Variants in DAZAP2 observed in about 807,000 individuals in gnomAD.
DAZAP2 encodes DAZ-associated protein 2.
In DAZAP2, 3 loss-of-function variants were observed where a neutral mutation model predicts 16.2. The observed-to-expected ratio is 0.19, with a 90% confidence interval of 0.08 to 0.48. The LOEUF is 0.48. Ranked by LOEUF, DAZAP2 falls within the 20% of genes least tolerant of loss-of-function variation. DAZAP2 has a pLI of 0.98. For synonymous variants in DAZAP2, 69 were observed against 77.6 expected (o/e 0.89, Z 0.58); for missense variants, 172 against 215.9 (o/e 0.80, Z 1.27).
downstream of DAZAP2, chr12:51,246,611 T>TGTGC: frequency 2.0e-6 from 1 of 499,714 alleles, no homozygotes; most frequent in Non-Finnish European, 3.4e-6. Flanking sequence ...TGGCTGTGTG[T>TGTGC]GTGTGTGTGT....
At chr12:51,241,440 T>C (rs1180062055) in intron 3 of DAZAP2, among the ~76,000 whole-genome samples, 1 of 152,136 alleles carries the variant, frequency 6.6e-6, no homozygotes, top group Non-Finnish European at 1.5e-5. Flanking sequence ...TTACTTAATA[T>C]TTGCCATCAG....
At position 51,242,778 on chromosome 12, in the gene DAZAP2, C is replaced by T; in HGVS notation, c.*320C>T. 7.1e-7 allele frequency: 1 copy of T among 1,409,020 alleles called. No homozygotes were observed. Among genetic ancestry groups the T allele is most frequent in the East Asian group, 2.6e-5 (1 of 37,942 alleles). 87.3% of individuals were successfully genotyped at this position (1,409,020 alleles called of 1,614,324 possible). A position where few individuals can be genotyped will look rare whatever the true frequency, so the allele number is the denominator to read the frequency against. ...CTGGTCTTTGCTTTTAGTAATAAAA[C>T]ATCAAATTAGGTTTGGAGGGAACTT... On this transcript the variant is annotated 3_prime_UTR_variant, in exon 4 of 4. Transcript: ENST00000412716.
downstream of DAZAP2, chr12:51,245,780 G>A: frequency 1.4e-6 from 1 of 705,844 alleles, no homozygotes. Context: ...CTGGTCCCTG[G>A]AGTCAGTGAT....
chr12:51,246,630 G>T (rs1944775551), downstream of DAZAP2: 1 of 609,284 alleles, frequency 1.6e-6, no homozygotes, highest in Non-Finnish European at 2.8e-6. Context: ...GTGTGTGTGT[G>T]TGTGTGTGTA....
rs895869830 is a variant in DAZAP2 at position 51,243,661 on chromosome 12, T to G, written c.*1203T>G. ...TGTTTGACTGTACCATTGACTGTTA[T>G]GGAAGTTCAGCGTTGTATGTCTCTC... On this transcript the variant is annotated 3_prime_UTR_variant, in exon 4 of 4. Transcript: ENST00000412716. 3 of 985,742 alleles carry G rather than the reference T, an allele frequency of 3.0e-6. No individual in the cohort carries two copies. The highest frequency in any genetic ancestry group is 1.7e-5 in the African/African-American group (1 of 57,246). The allele number at this position is 985,742 out of a possible 1,614,324, so 61.1% of individuals were successfully genotyped here. A position where few individuals can be genotyped will look rare whatever the true frequency, so the allele number is the denominator to read the frequency against.
intron 1 of DAZAP2, chr12:51,239,137 C>T (rs1211077125): frequency 4.8e-6 from 3 of 623,968 alleles, no homozygotes; most frequent in Non-Finnish European, 5.2e-6. Context: ...CTCTGTGGCG[C>T]AGTTTGGAGC....
chr12:51,242,607 T>C lies in DAZAP2; in HGVS notation c.*149T>C, dbSNP rs755057505. 12 of 1,584,660 alleles carry C rather than the reference T, an allele frequency of 7.6e-6. No homozygotes were observed. In the East Asian group the frequency reaches 2.1e-4, roughly 27 times the overall value. On this transcript the variant is annotated 3_prime_UTR_variant, in exon 4 of 4. Transcript: ENST00000412716. ...CTGGTGCCCAAACTTTCAGGCACTT[T>C]TCAAATTTAATAAGGAACCATGTAA...
In DAZAP2 at chr12:51,243,827, C is replaced by A; in HGVS notation, c.*1369C>A. 1.0e-6 allele frequency: 1 copy of A among 984,610 alleles called. No homozygotes were observed. The highest frequency in any genetic ancestry group is 1.2e-6 in the Non-Finnish European group (1 of 829,110). 61.0% of individuals were successfully genotyped at this position (984,610 alleles called of 1,614,324 possible). On this transcript the variant is annotated 3_prime_UTR_variant, in exon 4 of 4. Transcript: ENST00000412716. ...CTTTACTTAGCTTGTTTTTAGATTT[C>A]TTCTATATATATTTTATTTATATCC...
rs190893016 is a variant in DAZAP2 at position 51,242,993 on chromosome 12, A to C, written c.*535A>C. The stretch of plus-strand genomic sequence containing the variant: ...TCCTCCCGCCAGTCTCCATTGAATC[A>C]ATGGTGCAGGACAGAAAGCCAGTCA... On this transcript the variant is annotated 3_prime_UTR_variant, in exon 4 of 4. Transcript: ENST00000412716. 64 of 1,052,652 alleles carry C rather than the reference A, an allele frequency of 6.1e-5. No individual in the cohort carries two copies. The highest frequency in any genetic ancestry group is 8.7e-5 in the East Asian group (1 of 11,456). The allele number at this position is 1,052,652 out of a possible 1,614,324, so 65.2% of individuals were successfully genotyped here.
chr12:51,244,314 A>G (rs1201461661), downstream of DAZAP2, among the ~76,000 whole-genome samples: 1 of 152,178 alleles, frequency 6.6e-6, no homozygotes, highest in Non-Finnish European at 1.5e-5. Context: ...CTCCTGTCTC[A>G]GCCTCCTGAG....
chr12:51,244,144 T>G (rs1404805356), downstream of DAZAP2, among the ~76,000 whole-genome samples: 1 of 152,212 alleles, frequency 6.6e-6, no homozygotes, highest in Non-Finnish European at 1.5e-5. Context: ...CAATGTTCTA[T>G]GTGGAGAAAT....
intron 3 of DAZAP2, among the ~76,000 whole-genome samples, chr12:51,241,930 TAAAA>T (rs397790864): frequency 2.1e-5 from 3 of 142,166 alleles, no homozygotes; most frequent in African/African-American, 7.7e-5. Flanking sequence ...TCAAAAAAAT[TAAAA>T]AAAAAAAAAA....
In DAZAP2 at chr12:51,241,126, A is replaced by AC; in HGVS notation, c.378+12dup. The AC allele has an allele frequency of 6.2e-7, 1 of 1,613,182 alleles. No individual in the cohort carries two copies. The highest frequency in any genetic ancestry group is 8.5e-7 in the Non-Finnish European group (1 of 1,179,362). ...TGCTGGCAACATTCCTGTGAGTATG[A>AC]CCTCATCAGAAGAAACTCAGCCCTT... On this transcript the variant is annotated intron_variant, in intron 3 of 3. Coordinates refer to ENST00000412716, the MANE Select transcript of DAZAP2 (RefSeq NM_014764.4).
downstream of DAZAP2, chr12:51,245,572 T>A (rs1398772905): frequency 5.3e-6 from 1 of 189,440 alleles, no homozygotes; most frequent in African/African-American, 2.3e-5. Flanking sequence ...TATCACTAGG[T>A]GACCAGGTAG....
At chr12:51,240,270 C>G in intron 1 of DAZAP2, 73 bp from the exon 2 acceptor site, 1 of 1,202,786 alleles carries the variant, frequency 8.3e-7, no homozygotes, top group South Asian at 1.2e-5. Context: ...ACTAAGTTAG[C>G]TACCCGATAT....
chr12:51,240,423 G>T lies in DAZAP2; in HGVS notation c.94G>T (p.Ala32Ser). Residue 32 changes from alanine to serine, a missense_variant, in exon 2 of 4, where the codon GCT (alanine) becomes TCT (serine). Ala to Ser is a moderately conservative substitution (Grantham distance 99). Transcript: ENST00000412716. ...CCCTCAGACCTTGCATCTTCCTCAG[G>T]CTCCACCCTATACCGATGCTCCACC... ...VYPQTLHLPQAPPYTDAPPAY... is the reference protein window; with the variant it reads ...VYPQTLHLPQSPPYTDAPPAY... 2 of 1,613,998 alleles carry T rather than the reference G, an allele frequency of 1.2e-6. No individual in the cohort carries two copies. The highest frequency in any genetic ancestry group is 1.7e-6 in the Non-Finnish European group (2 of 1,180,024).
In DAZAP2 at chr12:51,242,412, G is replaced by C; in HGVS notation, c.461G>C (p.Gly154Ala). 2 of 1,614,156 alleles carry C rather than the reference G, an allele frequency of 1.2e-6. No homozygotes were observed. Among genetic ancestry groups the C allele is most frequent in the Non-Finnish European group, 1.7e-6 (2 of 1,180,028 alleles). ...GANVLVTQRK[G>A]NFFMGGSDGG... Reference sequence around the variant, plus strand: ...AACGTCCTCGTAACTCAGCGGAAGGGGAACTTCTTCATGGGTGGTTCAGAT... The same window carrying C: ...AACGTCCTCGTAACTCAGCGGAAGGCGAACTTCTTCATGGGTGGTTCAGAT... The change falls in exon 4 of 4, where the codon GGG becomes GCG. Residue 154 changes from glycine to alanine, a missense_variant. Gly to Ala is a moderately conservative substitution (Grantham distance 60). Coordinates refer to ENST00000412716, the MANE Select transcript of DAZAP2 (RefSeq NM_014764.4).
rs761326328 is a variant in DAZAP2, at chr12:51,238,949, G to C, written c.13+29G>C. The C allele has an allele frequency of 1.5e-5, 24 of 1,611,384 alleles. 1 individual carries two copies. In the South Asian group the frequency reaches 2.4e-4, roughly 16 times the overall value. ...AGGACCGAGGGTGGCAGAGGCCGTC[G>C]GGGGGAGTACTGCTGGCCCAGAGCG... On this transcript the variant is annotated intron_variant, in intron 1 of 3. Coordinates refer to ENST00000412716, the MANE Select transcript of DAZAP2 (RefSeq NM_014764.4).
rs1944703140 is a variant in DAZAP2 at position 51,242,848 on chromosome 12, T to TTAATCAGATTGGAC, written c.*391_*392insAATCAGATTGGACT. On this transcript the variant is annotated 3_prime_UTR_variant, in exon 4 of 4. Transcript: ENST00000412716. ...AGTTGCCAAATTATTCTGATTGGTC[T>TTAATCAGATTGGAC]TTAATCTCCTTTAAGTCTTTGATAT... The TTAATCAGATTGGAC allele has an allele frequency of 7.3e-7, 1 of 1,373,630 alleles. No individual in the cohort carries two copies. The highest frequency in any genetic ancestry group is 2.8e-5 in the East Asian group (1 of 35,548). The allele number at this position is 1,373,630 out of a possible 1,614,324, so 85.1% of individuals were successfully genotyped here. A position where few individuals can be genotyped will look rare whatever the true frequency, so the allele number is the denominator to read the frequency against.
Sources: gnomAD v4.1 joint callset for allele counts (sites outside exome capture counted in the v4.1 genomes callset) on GRCh38, gnomAD v4.1.1 for gene constraint, MANE v1.5 for transcripts, NCBI Gene and HGNC (gene_info 2026-07-23, HGNC 2026-07-21) for gene names.